TASP1: variants seen among roughly 807,000 people sequenced by gnomAD.
TASP1 encodes the protein taspase 1.
TASP1 carries 16 observed loss-of-function variants against 56.6 expected under a neutral mutation model. That is an observed-to-expected ratio of 0.28 (90% confidence interval 0.19 to 0.43). The LOEUF is 0.43. Among genes scored for constraint, TASP1 ranks in the 20% least tolerant of loss-of-function variants. The pLI is 1.00. For synonymous variants in TASP1, 179 were observed against 184.2 expected (o/e 0.97, Z 0.23); for missense variants, 393 against 511.6 (o/e 0.77, Z 2.24).
the TASP1 span, among the ~76,000 whole-genome samples, chr20:13,275,307 G>T: frequency 6.6e-6 from 1 of 152,158 alleles, no homozygotes; most frequent in African/African-American, 2.4e-5. Flanking sequence ...GTTGGCCAGG[G>T]TTACAGTTGT....
the TASP1 span, among the ~76,000 whole-genome samples, chr20:13,286,845 G>A: frequency 3.9e-5 from 6 of 152,312 alleles, no homozygotes; most frequent in South Asian, 6.2e-4. Context: ...CAATCGCCAC[G>A]ACCTGTTATG....
At chr20:13,109,927 T>A in the TASP1 span, among the ~76,000 whole-genome samples, 31 of 152,202 alleles carry the variant, frequency 2.0e-4, no homozygotes, top group Non-Finnish European at 2.9e-5. Context: ...CTATTTGTCT[T>A]GTCAGAGTTA....
At chr20:13,435,360 A>G (rs1319257915) in intron 11 of TASP1, among the ~76,000 whole-genome samples, 2 of 152,180 alleles carry the variant, frequency 1.3e-5, no homozygotes, top group African/African-American at 4.8e-5. Flanking sequence ...AAAATGCCAC[A>G]TGCTGTCAAG....
chr20:13,592,634 A>C (rs768127601), intron 4 of TASP1, among the ~76,000 whole-genome samples: 1 of 152,048 alleles, frequency 6.6e-6, no homozygotes, highest in Non-Finnish European at 1.5e-5. Flanking sequence ...ATGTTGATAA[A>C]TTTTATTAAT....
the TASP1 span, among the ~76,000 whole-genome samples, chr20:13,334,743 A>G: frequency 2.0e-5 from 3 of 152,208 alleles, no homozygotes; most frequent in African/African-American, 7.2e-5. Context: ...TCTAAAGGAA[A>G]CTTCTGGTTA....
At chr20:13,145,837 A>G in the TASP1 span, among the ~76,000 whole-genome samples, 1 of 152,242 alleles carries the variant, frequency 6.6e-6, no homozygotes, top group African/African-American at 2.4e-5. Context: ...ATAAGACTGC[A>G]TATCTTCAAC....
chr20:13,240,462 C>T, the TASP1 span, among the ~76,000 whole-genome samples: 2,607 of 152,184 alleles, frequency 0.017, 73 homozygotes, highest in African/African-American at 0.056. Flanking sequence ...GTCAGGCAGA[C>T]GGAATCACAA....
chr20:13,259,469 A>G, the TASP1 span, among the ~76,000 whole-genome samples: 1 of 152,180 alleles, frequency 6.6e-6, no homozygotes, highest in East Asian at 1.9e-4. Flanking sequence ...TAATATTAAA[A>G]ATGTGAATCT....
the TASP1 span, among the ~76,000 whole-genome samples, chr20:13,321,378 C>T: frequency 6.6e-6 from 1 of 151,284 alleles, no homozygotes; most frequent in African/African-American, 2.4e-5. Context: ...AAAATTCTTA[C>T]AGCTAGTGTG....
chr20:13,253,760 A>G, the TASP1 span, among the ~76,000 whole-genome samples: 1 of 152,296 alleles, frequency 6.6e-6, no homozygotes, highest in African/African-American at 2.4e-5. Context: ...CAGTATCATT[A>G]TCAGTTTTTC....
At chr20:13,156,367 A>G in the TASP1 span, among the ~76,000 whole-genome samples, 1 of 152,214 alleles carries the variant, frequency 6.6e-6, no homozygotes, top group Non-Finnish European at 1.5e-5. Context: ...AAACAAATGC[A>G]TGTAACTTCA....
chr20:13,141,905 T>C, the TASP1 span, among the ~76,000 whole-genome samples: 1 of 152,334 alleles, frequency 6.6e-6, no homozygotes, highest in African/African-American at 2.4e-5. Context: ...AGGTCAGGGT[T>C]AGCAATCAAG....
At chr20:13,536,615 A>AT (rs2045428701) in intron 8 of TASP1, among the ~76,000 whole-genome samples, 2 of 152,290 alleles carry the variant, frequency 1.3e-5, no homozygotes, top group East Asian at 3.9e-4. Context: ...TGACAGACAT[A>AT]TGCCAGTACT....
At chr20:13,526,549 C>T (rs1251970323) in intron 10 of TASP1, among the ~76,000 whole-genome samples, 1 of 152,142 alleles carries the variant, frequency 6.6e-6, no homozygotes, top group Non-Finnish European at 1.5e-5. Flanking sequence ...ACATTATGCT[C>T]ATTTCTTCAA....
intron 4 of TASP1, among the ~76,000 whole-genome samples, chr20:13,620,229 CCTTTA>C (rs1408542188): frequency 3.3e-5 from 5 of 149,890 alleles, no homozygotes; most frequent in Non-Finnish European, 3.0e-5. Context: ...TGCATAATTC[CCTTTA>C]CTCTGTGTGT....
chr20:13,160,222 G>A, the TASP1 span: 1 of 1,442,540 alleles, frequency 6.9e-7, no homozygotes, highest in Non-Finnish European at 9.2e-7. Context: ...GGTTCTCTGG[G>A]TTTCTCTTGG....
the TASP1 span, among the ~76,000 whole-genome samples, chr20:13,141,961 T>A: frequency 6.6e-6 from 1 of 152,200 alleles, no homozygotes; most frequent in Non-Finnish European, 1.5e-5. Flanking sequence ...CTTACCTACA[T>A]GTGTGACAAC....
intron 4 of TASP1, among the ~76,000 whole-genome samples, chr20:13,597,609 T>G (rs2047788267): frequency 6.6e-6 from 1 of 152,218 alleles, no homozygotes; most frequent in African/African-American, 2.4e-5. Context: ...GCATTCCCTT[T>G]GAAAACTGGC....
At chr20:13,228,595 C>T in the TASP1 span, among the ~76,000 whole-genome samples, 61 of 151,800 alleles carry the variant, frequency 4.0e-4, no homozygotes, top group African/African-American at 1.1e-3. Flanking sequence ...TTTTAATGTT[C>T]GGAAATTTTA....
Sources: allele counts gnomAD v4.1 joint callset (sites outside exome capture counted in the v4.1 genomes callset), GRCh38; gene constraint gnomAD v4.1.1; transcripts MANE v1.5; gene names NCBI Gene and HGNC (gene_info 2026-07-23, HGNC 2026-07-21).